Variants in UBE2Z observed in about 807,000 individuals in gnomAD.
The protein encoded by UBE2Z is ubiquitin-conjugating enzyme E2 Z.
In UBE2Z, 10 loss-of-function variants were observed where a neutral mutation model predicts 32.6. The ratio of observed to expected loss-of-function variants is 0.31; its 90% CI spans 0.19 to 0.52. The LOEUF is 0.52. Ranked by LOEUF, UBE2Z falls within the 20% of genes least tolerant of loss-of-function variation. The pLI is 0.97. For synonymous variants in UBE2Z, 183 were observed against 190.8 expected (o/e 0.96, Z 0.34); for missense variants, 343 against 480.9 (o/e 0.71, Z 2.68).
intron 6 of UBE2Z, among the ~76,000 whole-genome samples, chr17:48,926,474 CTTTTTTT>C (rs35895407): frequency 7.3e-6 from 1 of 137,200 alleles, no homozygotes. Flanking sequence ...GTAAGAGTGT[CTTTTTTT>C]TTTTTTTTTT....
intron 4 of UBE2Z, 136 bp downstream of exon 4, chr17:48,916,323 T>C: frequency 2.1e-6 from 1 of 484,692 alleles, no homozygotes; most frequent in Non-Finnish European, 3.4e-6. Context: ...TGGTGCAATC[T>C]CAGCTTACTG....
intron 1 of UBE2Z, chr17:48,910,241 C>G (rs769406377): frequency 1.3e-5 from 2 of 152,628 alleles, no homozygotes. Context: ...TCTGAGGATC[C>G]CTCCCCAGCC....
intron 4 of UBE2Z, among the ~76,000 whole-genome samples, chr17:48,918,416 C>A (rs2040735651): frequency 6.6e-6 from 1 of 150,598 alleles, no homozygotes; most frequent in Non-Finnish European, 1.5e-5. Context: ...TCACTGCAGC[C>A]TCCACCTCCC....
intron 4 of UBE2Z, among the ~76,000 whole-genome samples, chr17:48,919,693 ATCCTGAAC>A (rs2040745710): frequency 6.6e-6 from 1 of 152,044 alleles, no homozygotes; most frequent in Non-Finnish European, 1.5e-5. Flanking sequence ...GCCAATGCTG[ATCCTGAAC>A]TCCTGAACTC....
chr17:48,921,077 C>G (rs2040754881), intron 4 of UBE2Z, 83 bp from the exon 5 acceptor site: 1 of 1,094,180 alleles, frequency 9.1e-7, no homozygotes, highest in East Asian at 2.6e-5. Flanking sequence ...GGCTGACATA[C>G]CCCATACTAA....
At position 48,921,222 on chromosome 17, in the gene UBE2Z, T is replaced by G. The variant is rs1364078410; in HGVS notation, c.753T>G (p.Val251=). ...GTATCCGGCACGAGACCATCAGAGT[T>G]GCAGTCTGTGACATGATGGAAGGAA... ...NECIRHETIR[V]AVCDMMEGKC... Residue 251 remains valine, a synonymous_variant, in exon 5 of 7, where the codon GTT becomes GTG. Coordinates refer to ENST00000360943, the MANE Select transcript of UBE2Z (RefSeq NM_023079.5). The G allele has an allele frequency of 1.2e-6, 2 of 1,613,064 alleles. No individual in the cohort carries two copies. Among genetic ancestry groups the G allele is most frequent in the Non-Finnish European group, 1.7e-6 (2 of 1,179,560 alleles).
At chr17:48,917,826 T>C (rs2040731098) in intron 4 of UBE2Z, among the ~76,000 whole-genome samples, 1 of 152,174 alleles carries the variant, frequency 6.6e-6, no homozygotes, top group Non-Finnish European at 1.5e-5. Flanking sequence ...GGAGCCCAAC[T>C]TCTCCCACTC....
intron 2 of UBE2Z, chr17:48,911,968 GTT>G (rs2040681497): frequency 6.6e-6 from 1 of 152,044 alleles, no homozygotes; most frequent in South Asian, 2.1e-4. Flanking sequence ...GTCAGTTCAG[GTT>G]TTCCTCCCTT....
chr17:48,918,438 A>C (rs971785749), intron 4 of UBE2Z, among the ~76,000 whole-genome samples: 3 of 151,120 alleles, frequency 2.0e-5, no homozygotes, highest in Non-Finnish European at 4.4e-5. Flanking sequence ...GGGTCAAGCA[A>C]TTCTCCTGCC....
intron 4 of UBE2Z, among the ~76,000 whole-genome samples, chr17:48,919,051 G>GT (rs1195935839): frequency 3.3e-5 from 5 of 150,938 alleles, no homozygotes; most frequent in African/African-American, 1.2e-4. Context: ...CCAGCCTTGT[G>GT]TTTTTTATTT....
At chr17:48,916,493 C>T (rs1182468863) in intron 4 of UBE2Z, among the ~76,000 whole-genome samples, 5 of 151,256 alleles carry the variant, frequency 3.3e-5, no homozygotes, top group African/African-American at 7.3e-5. Flanking sequence ...CCTGGTGATC[C>T]GCCTGCCTCG....
intron 5 of UBE2Z, among the ~76,000 whole-genome samples, chr17:48,921,688 T>C (rs2040759533): frequency 6.6e-6 from 1 of 152,112 alleles, no homozygotes; most frequent in Non-Finnish European, 1.5e-5. Flanking sequence ...GGATGGCTGA[T>C]GAAAAGCAAT....
intron 1 of UBE2Z, chr17:48,910,585 C>T: frequency 2.2e-6 from 1 of 448,484 alleles, no homozygotes; most frequent in Non-Finnish European, 4.0e-6. Context: ...TCCCCTCCCC[C>T]TGAGGAAACA....
chr17:48,927,448 C>A lies in UBE2Z; in HGVS notation c.*314C>A. 1 of 281,358 alleles carries A rather than the reference C, an allele frequency of 3.6e-6. No individual in the cohort carries two copies. Among genetic ancestry groups the A allele is most frequent in the South Asian group, 6.1e-5 (1 of 16,466 alleles). 17.4% of individuals were successfully genotyped at this position (281,358 alleles called of 1,614,324 possible). On this transcript the variant is annotated 3_prime_UTR_variant, in exon 7 of 7. Transcript: ENST00000360943. ...ACAACCAACACACCTCTCCACAGGGCCAGCTCCTTAGGGATAAGTGGAAGA... is the reference window on the plus strand; with the variant it reads ...ACAACCAACACACCTCTCCACAGGGACAGCTCCTTAGGGATAAGTGGAAGA...
intron 1 of UBE2Z, 76 bp downstream of exon 1, chr17:48,908,896 C>T (rs1248907599): frequency 4.7e-6 from 5 of 1,054,452 alleles, no homozygotes; most frequent in Non-Finnish European, 6.0e-6. Context: ...TCTCCCACTA[C>T]AACTCACCCC....
chr17:48,910,089 TC>T (rs1428357745), intron 1 of UBE2Z, among the ~76,000 whole-genome samples: 1 of 152,170 alleles, frequency 6.6e-6, no homozygotes, highest in African/African-American at 2.4e-5. Context: ...CCCTAGCAAG[TC>T]CCTAGGCTTT....
chr17:48,919,770 G>A (rs2143769994), intron 4 of UBE2Z, among the ~76,000 whole-genome samples: 1 of 152,292 alleles, frequency 6.6e-6, no homozygotes, highest in Middle Eastern at 3.4e-3. Flanking sequence ...GAGCCATCGG[G>A]CCCAGCCCTA....
chr17:48,912,240 C>T (rs1196384611), intron 2 of UBE2Z: 2 of 153,356 alleles, frequency 1.3e-5, no homozygotes, highest in Non-Finnish European at 2.9e-5. Flanking sequence ...ATCACACCCC[C>T]TAACCCTGCT....
chr17:48,916,169 T>C lies in UBE2Z; in HGVS notation c.672T>C (p.Asn224=). 5.7e-6 allele frequency: 9 copies of C among 1,576,562 alleles called. No homozygotes were observed. Among genetic ancestry groups the C allele is most frequent in the Non-Finnish European group, 7.7e-6 (9 of 1,164,308 alleles). The change falls in exon 4 of 7, where the codon AAT becomes AAC. Residue 224 remains asparagine, a synonymous_variant. Transcript: ENST00000360943. ...TGATGACTGAGAACCCCTATCACAA[T>C]GAGCCCGGCTTTGAACAGGTAAGGC... ...QSLMTENPYH[N]EPGFEQERHP...
Sources: allele counts gnomAD v4.1 joint callset (sites outside exome capture counted in the v4.1 genomes callset), GRCh38; gene constraint gnomAD v4.1.1; transcripts MANE v1.5; gene names NCBI Gene and HGNC (gene_info 2026-07-23, HGNC 2026-07-21).